The following MAN1A2 variants were observed in gnomAD, a reference collection of about 807,000 sequenced individuals.
MAN1A2 encodes mannosyl-oligosaccharide 1,2-alpha-mannosidase IB.
MAN1A2 carries 26 observed loss-of-function variants against 75.7 expected under a neutral mutation model. The ratio of observed to expected loss-of-function variants is 0.34; its 90% CI spans 0.25 to 0.48. The LOEUF is 0.48. Ranked by LOEUF, MAN1A2 falls within the 20% of genes least tolerant of loss-of-function variation. The pLI is 0.99. For synonymous variants in MAN1A2, 247 were observed against 264.6 expected (o/e 0.93, Z 0.65); for missense variants, 562 against 775.5 (o/e 0.72, Z 3.27).
intron 7 of MAN1A2, among the ~76,000 whole-genome samples, chr1:117,465,492 T>C (rs1423467199): frequency 2.6e-5 from 4 of 152,140 alleles, no homozygotes; most frequent in Non-Finnish European, 5.9e-5. Flanking sequence ...TGAATGACGA[T>C]GGGAAACCTT....
At chr1:117,480,999 T>A (rs1031430997) in intron 8 of MAN1A2, among the ~76,000 whole-genome samples, 2 of 151,866 alleles carry the variant, frequency 1.3e-5, no homozygotes, top group Non-Finnish European at 2.9e-5. Context: ...AAAGAAAAGA[T>A]CCTTCTGCAA....
intron 1 of MAN1A2, among the ~76,000 whole-genome samples, chr1:117,383,122 C>T (rs903855023): frequency 6.6e-6 from 1 of 152,172 alleles, no homozygotes; most frequent in African/African-American, 2.4e-5. Context: ...ATCTTAGGGG[C>T]AAAGCTTTCA....
chr1:117,505,309 T>C (rs1454466561), intron 12 of MAN1A2, among the ~76,000 whole-genome samples: 1 of 151,292 alleles, frequency 6.6e-6, no homozygotes, highest in Non-Finnish European at 1.5e-5. Flanking sequence ...TGGAGCACTT[T>C]AGTACATGCA....
At chr1:117,501,035 G>A (rs1651184918) in intron 11 of MAN1A2, among the ~76,000 whole-genome samples, 1 of 151,780 alleles carries the variant, frequency 6.6e-6, no homozygotes, top group Admixed American at 6.6e-5. Flanking sequence ...GGTGGCAGAA[G>A]CACTTTTTGT....
chr1:117,398,561 C>T (rs1275874419), intron 1 of MAN1A2, among the ~76,000 whole-genome samples: 3 of 151,610 alleles, frequency 2.0e-5, no homozygotes, highest in Non-Finnish European at 4.4e-5. Flanking sequence ...GTAGTCCCAG[C>T]TTGTTGGGAG....
At chr1:117,421,778 A>T (rs1648209091) in intron 5 of MAN1A2, among the ~76,000 whole-genome samples, 1 of 152,082 alleles carries the variant, frequency 6.6e-6, no homozygotes. Context: ...TTAAATTCAC[A>T]TTTAATAAAA....
intron 12 of MAN1A2, among the ~76,000 whole-genome samples, chr1:117,516,527 T>C (rs1178454058): frequency 1.3e-5 from 2 of 152,128 alleles, no homozygotes; most frequent in Non-Finnish European, 2.9e-5. Context: ...ACACAGTCTC[T>C]CACAATGGAT....
intron 8 of MAN1A2, among the ~76,000 whole-genome samples, chr1:117,468,152 A>G (rs753667706): frequency 3.9e-5 from 6 of 152,156 alleles, no homozygotes; most frequent in Non-Finnish European, 8.8e-5. Flanking sequence ...CAGAAAACTT[A>G]CAATCATGGC....
intron 2 of MAN1A2, among the ~76,000 whole-genome samples, chr1:117,403,053 G>T (rs1411652359): frequency 2.0e-5 from 3 of 152,114 alleles, no homozygotes; most frequent in African/African-American, 7.2e-5. Flanking sequence ...GAAAAATCTA[G>T]TGAATATTTG....
At chr1:117,492,212 G>A in intron 8 of MAN1A2, among the ~76,000 whole-genome samples, 1 of 152,066 alleles carries the variant, frequency 6.6e-6, no homozygotes, top group Non-Finnish European at 1.5e-5. Flanking sequence ...AATCAAACAG[G>A]AAGAATCAAT....
chr1:117,445,842 G>T (rs1216195889), intron 6 of MAN1A2, among the ~76,000 whole-genome samples: 2 of 68,348 alleles, frequency 2.9e-5, no homozygotes, highest in Non-Finnish European at 5.8e-5. Flanking sequence ...TTTCATATTT[G>T]TGTGTGTGTG....
At chr1:117,370,403 T>G (rs1364841699) in intron 1 of MAN1A2, among the ~76,000 whole-genome samples, 1 of 152,186 alleles carries the variant, frequency 6.6e-6, no homozygotes, top group African/African-American at 2.4e-5. Context: ...TCAAATAGAG[T>G]TCAGGTGGCA....
intron 2 of MAN1A2, among the ~76,000 whole-genome samples, chr1:117,404,835 A>T (rs1019612011): frequency 6.6e-6 from 1 of 152,104 alleles, no homozygotes; most frequent in Admixed American, 6.5e-5. Flanking sequence ...TGGGCGGATC[A>T]TGAGGTCAGG....
chr1:117,477,077 C>T (rs1650337368), intron 8 of MAN1A2, among the ~76,000 whole-genome samples: 1 of 151,878 alleles, frequency 6.6e-6, no homozygotes, highest in East Asian at 1.9e-4. Flanking sequence ...CCTCCCAAGA[C>T]TAAACTAGGA....
At chr1:117,373,484 G>GTTTTTT (rs34482916) in intron 1 of MAN1A2, among the ~76,000 whole-genome samples, 1 of 113,356 alleles carries the variant, frequency 8.8e-6, no homozygotes, top group Non-Finnish European at 1.9e-5. Context: ...TGCTGCATTT[G>GTTTTTT]TTTTTTTTTT....
At chr1:117,450,433 C>T (rs553137203) in intron 6 of MAN1A2, among the ~76,000 whole-genome samples, 1 of 152,140 alleles carries the variant, frequency 6.6e-6, no homozygotes, top group Non-Finnish European at 1.5e-5. Flanking sequence ...TGCAGCCTGA[C>T]AATGTGACAG....
At chr1:117,458,570 C>G (rs1570760147) in intron 6 of MAN1A2, among the ~76,000 whole-genome samples, 2 of 134,326 alleles carry the variant, frequency 1.5e-5, no homozygotes, top group East Asian at 2.2e-4. Context: ...GTTGCCCAAA[C>G]TAGAATGCAA....
intron 6 of MAN1A2, among the ~76,000 whole-genome samples, chr1:117,447,193 A>T (rs1005644821): frequency 6.6e-6 from 1 of 152,140 alleles, no homozygotes; most frequent in Non-Finnish European, 1.5e-5. Flanking sequence ...GGATCATAAT[A>T]CAAATTTTGT....
chr1:117,434,187 T>C (rs1489664604), intron 5 of MAN1A2, among the ~76,000 whole-genome samples: 2 of 152,306 alleles, frequency 1.3e-5, no homozygotes, highest in South Asian at 2.1e-4. Flanking sequence ...TTAGACCACA[T>C]TGTTTTATCT....
Sources: gnomAD v4.1 joint callset for allele counts (sites outside exome capture counted in the v4.1 genomes callset) on GRCh38, gnomAD v4.1.1 for gene constraint, MANE v1.5 for transcripts, NCBI Gene and HGNC (gene_info 2026-07-23, HGNC 2026-07-21) for gene names.